SWT1: variants seen among roughly 807,000 people sequenced by gnomAD.
The protein encoded by SWT1 is SWT1 RNA endoribonuclease homolog, also known as transcriptional protein SWT1.
A neutral mutation model predicts 107.3 loss-of-function variants in SWT1; 33 were observed. That is an observed-to-expected ratio of 0.31 (90% CI 0.23 to 0.41). The LOEUF (loss-of-function observed/expected upper bound fraction) is 0.41. SWT1 is among the 10% of genes least tolerant of loss of function. The pLI, the probability that SWT1 is intolerant of heterozygous loss-of-function variation, is 1.00. For synonymous variants in SWT1, 345 were observed against 348.3 expected (o/e 0.99, Z 0.11); for missense variants, 898 against 1,028.9 (o/e 0.87, Z 1.74).
At chr1:185,226,850 CTTT>C in intron 15 of SWT1, 1 of 1,531,442 alleles carries the variant, frequency 6.5e-7, no homozygotes, top group Non-Finnish European at 8.8e-7. Flanking sequence ...AGCTTGCCTT[CTTT>C]TGAGCTACCC....
intron 17 of SWT1, among the ~76,000 whole-genome samples, chr1:185,276,182 C>T (rs1664226872): frequency 1.3e-5 from 2 of 151,972 alleles, no homozygotes; most frequent in South Asian, 4.1e-4. Context: ...TAAATTATAT[C>T]TCTGATATAG....
At chr1:185,274,880 G>A (rs1438023907) in intron 17 of SWT1, among the ~76,000 whole-genome samples, 3 of 152,122 alleles carry the variant, frequency 2.0e-5, no homozygotes, top group Non-Finnish European at 4.4e-5. Flanking sequence ...TTAATATGGT[G>A]AAACAAGATC....
At chr1:185,266,311 G>A (rs1015688907) in intron 16 of SWT1, among the ~76,000 whole-genome samples, 9 of 152,260 alleles carry the variant, frequency 5.9e-5, no homozygotes, top group East Asian at 5.8e-4. Context: ...TGATCTGCCC[G>A]CCTTGGCCTC....
chr1:185,270,505 G>A (rs1040894720), intron 16 of SWT1, among the ~76,000 whole-genome samples: 13 of 151,956 alleles, frequency 8.6e-5, no homozygotes, highest in African/African-American at 3.1e-4. Context: ...CGTTTGAGAC[G>A]GGCCTGGGCA....
chr1:185,191,253 CT>C (rs1014838709), intron 10 of SWT1, among the ~76,000 whole-genome samples: 3 of 152,150 alleles, frequency 2.0e-5, no homozygotes, highest in East Asian at 1.9e-4. Flanking sequence ...TCCCTTCCCC[CT>C]GCTTCTTCCC....
chr1:185,229,203 G>C (rs1380473854), intron 15 of SWT1, among the ~76,000 whole-genome samples: 1 of 152,170 alleles, frequency 6.6e-6, no homozygotes, highest in Non-Finnish European at 1.5e-5. Context: ...AATCCAGGTG[G>C]AAAATGATGA....
At chr1:185,175,616 C>A (rs12076354) in intron 5 of SWT1, among the ~76,000 whole-genome samples, 2,053 of 152,194 alleles carry the variant, frequency 0.013, 42 homozygotes, top group African/African-American at 0.047. Context: ...TTATTTTACT[C>A]TCTTTAATTC....
In SWT1 at chr1:185,291,037, A is replaced by G. The variant is rs1442353697; in HGVS notation, c.*234A>G. On this transcript the variant is annotated 3_prime_UTR_variant, in exon 19 of 19. Transcript: ENST00000367500. Reference sequence around the variant, plus strand: ...CTTCTGGAGTTCACAATGCCTCCCTACCTCTATTCTTGATAGTGAGCCAGT... The same window carrying G: ...CTTCTGGAGTTCACAATGCCTCCCTGCCTCTATTCTTGATAGTGAGCCAGT... 5 of 260,594 alleles carry G rather than the reference A, an allele frequency of 1.9e-5. No homozygotes were observed. The East Asian group carries it at 3.7e-4, about 19-fold the overall frequency. 16.1% of individuals were successfully genotyped at this position (260,594 alleles called of 1,614,324 possible).
At chr1:185,176,470 A>C in intron 5 of SWT1, 2 of 664,868 alleles carry the variant, frequency 3.0e-6, no homozygotes, top group Non-Finnish European at 3.7e-6. Flanking sequence ...AAAGCTTGGC[A>C]CATCTATTTT....
At chr1:185,250,462 G>A (rs909742814) in intron 16 of SWT1, among the ~76,000 whole-genome samples, 4 of 152,064 alleles carry the variant, frequency 2.6e-5, no homozygotes, top group Non-Finnish European at 5.9e-5. Flanking sequence ...ACACTGCTAA[G>A]TGAAGAAAAT....
intron 16 of SWT1, among the ~76,000 whole-genome samples, chr1:185,240,012 C>T (rs1379577986): frequency 8.6e-5 from 13 of 152,040 alleles, no homozygotes; most frequent in African/African-American, 3.1e-4. Context: ...TGTAATCCAA[C>T]TCTGAGGCAC....
intron 13 of SWT1, among the ~76,000 whole-genome samples, chr1:185,213,552 G>A (rs1368076281): frequency 2.0e-5 from 3 of 152,118 alleles, no homozygotes; most frequent in Non-Finnish European, 4.4e-5. Flanking sequence ...AAGTGATACA[G>A]AGAAACTCCT....
intron 14 of SWT1, among the ~76,000 whole-genome samples, 192 bp downstream of exon 14, chr1:185,214,847 T>A (rs1195196758): frequency 6.6e-6 from 1 of 152,200 alleles, no homozygotes; most frequent in African/African-American, 2.4e-5. Context: ...ATACCTCCTT[T>A]TATGGAAGCA....
intron 10 of SWT1, among the ~76,000 whole-genome samples, chr1:185,195,698 C>T (rs1384065576): frequency 6.6e-6 from 1 of 152,216 alleles, no homozygotes; most frequent in African/African-American, 2.4e-5. Context: ...TTCTAACTGG[C>T]ATGAGATGGT....
intron 16 of SWT1, among the ~76,000 whole-genome samples, chr1:185,250,312 T>C (rs1309845010): frequency 6.6e-6 from 1 of 152,106 alleles, no homozygotes; most frequent in Non-Finnish European, 1.5e-5. Context: ...TAAAGGGCCT[T>C]TTGTGTATCT....
intron 10 of SWT1, among the ~76,000 whole-genome samples, chr1:185,192,269 A>G (rs1657017632): frequency 1.3e-5 from 2 of 152,182 alleles, no homozygotes; most frequent in South Asian, 4.1e-4. Context: ...TTTCATAGAC[A>G]TCTGAAACCT....
chr1:185,206,444 A>G (rs1658343602), intron 12 of SWT1, among the ~76,000 whole-genome samples, 181 bp from the exon 13 acceptor site: 1 of 152,224 alleles, frequency 6.6e-6, no homozygotes, highest in Admixed American at 6.5e-5. Flanking sequence ...GAGTTTTACA[A>G]AAGCAATTTG....
chr1:185,280,932 G>A, intron 18 of SWT1: 2 of 485,202 alleles, frequency 4.1e-6, no homozygotes, highest in South Asian at 3.1e-5. Flanking sequence ...GGTGAGGTTG[G>A]AAACCAGAAG....
chr1:185,181,463 T>C (rs1656012730), intron 6 of SWT1, among the ~76,000 whole-genome samples: 1 of 152,190 alleles, frequency 6.6e-6, no homozygotes, highest in Non-Finnish European at 1.5e-5. Flanking sequence ...GGTTTTAAGA[T>C]CTAGATTTCA....
Sources: allele counts gnomAD v4.1 joint callset (sites outside exome capture counted in the v4.1 genomes callset), GRCh38; gene constraint gnomAD v4.1.1; transcripts MANE v1.5; gene names NCBI Gene and HGNC (gene_info 2026-07-23, HGNC 2026-07-21).